Variants in PCDHGA3 observed in about 807,000 individuals in gnomAD.
The protein encoded by PCDHGA3 is protocadherin gamma-A3.
Under a neutral mutation model 58.5 loss-of-function variants are expected in PCDHGA3, and 40 were observed. The observed-to-expected ratio is 0.68, with a 90% CI of 0.53 to 0.89. The LOEUF (loss-of-function observed/expected upper bound fraction) is 0.89. Ranked by LOEUF, PCDHGA3 falls within the 40% of genes least tolerant of loss-of-function variation. The pLI, the probability that PCDHGA3 is intolerant of heterozygous loss-of-function variation, is 0.00. For synonymous variants in PCDHGA3, 530 were observed against 525.7 expected (o/e 1.01, Z -0.11); for missense variants, 1,223 against 1,195.9 (o/e 1.02, Z -0.33).
chr5:141,503,075 G>A (rs1373753092), intron 2 of PCDHGA3, among the ~76,000 whole-genome samples: 1 of 151,438 alleles, frequency 6.6e-6, no homozygotes, highest in African/African-American at 2.4e-5. Context: ...GAATGGTCTC[G>A]ATCTCCTGAC....
chr5:141,366,927 T>C (rs1442666923), intron 1 of PCDHGA3: 3 of 981,216 alleles, frequency 3.1e-6, no homozygotes, highest in Non-Finnish European at 4.3e-6. Context: ...AAATTCTGTT[T>C]TGGGAAGTCT....
At position 141,344,996 on chromosome 5, in the gene PCDHGA3, A is replaced by T. The variant is rs774542255; in HGVS notation, c.963A>T (p.Ala321=). The T allele has an allele frequency of 3.1e-6, 5 of 1,613,974 alleles. No homozygotes were observed. The highest frequency in any genetic ancestry group is 1.7e-5 in the Admixed American group (1 of 60,034). The change falls in exon 1 of 4, where the codon GCA becomes GCT. Residue 321 remains alanine, a synonymous_variant. Coordinates refer to ENST00000253812, the MANE Select transcript of PCDHGA3 (RefSeq NM_018916.4). ...TGTTCTATGAAATTAAAATTGAAGC[A>T]CAGGATGGACCAGGTCTTCTTTCAA... is the stretch of plus-strand genomic sequence containing the variant. The part of the protein sequence containing the change: ...DAMFYEIKIE[A]QDGPGLLSRA...
chr5:141,361,456 C>A (rs529112132), intron 1 of PCDHGA3: 1 of 1,613,916 alleles, frequency 6.2e-7, no homozygotes, highest in African/African-American at 1.3e-5. Context: ...TGTCACCCTG[C>A]ACATCTCCGA....
In PCDHGA3 at chr5:141,344,045, C is replaced by T; in HGVS notation, c.12C>T (p.Cys4=). 1.3e-6 allele frequency: 2 copies of T among 1,555,600 alleles called. No homozygotes were observed. The highest frequency in any genetic ancestry group is 1.7e-6 in the Non-Finnish European group (2 of 1,151,476). The change falls in exon 1 of 4, where the codon TGC becomes TGT. Residue 4 remains cysteine (C), a synonymous_variant. Transcript: ENST00000253812. The part of the protein sequence containing the change: MTN[C]LSFRNGRGLA... ...TCACCGAAAAGGAAATGACCAATTG[C>T]CTGAGTTTCCGAAATGGCAGAGGAC...
chr5:141,486,598 C>T lies in PCDHGA3; in HGVS notation c.2425-8209C>T. 2 of 1,613,604 alleles carry T rather than the reference C, an allele frequency of 1.2e-6. No homozygotes were observed. Among genetic ancestry groups the T allele is most frequent in the Non-Finnish European group, 1.7e-6 (2 of 1,179,998 alleles). ...ACAATCGCCCAGGGGACCTGCTTTG[C>T]TCCCTTGCAGCCTCTGACCCAGACT... On this transcript the variant is annotated intron_variant, in intron 1 of 3. Transcript: ENST00000253812. The surrounding 1 kb of genome is among the most constrained non-coding windows in gnomAD (Gnocchi z 5.0).
chr5:141,382,965 C>T, intron 1 of PCDHGA3: 1 of 1,608,730 alleles, frequency 6.2e-7, no homozygotes, highest in East Asian at 2.2e-5. Flanking sequence ...TCCTGGGGAC[C>T]CCCTGGGAAG....
intron 1 of PCDHGA3, 141 bp downstream of exon 1, chr5:141,346,598 C>A: frequency 7.7e-7 from 1 of 1,301,850 alleles, no homozygotes; most frequent in Non-Finnish European, 1.0e-6. Flanking sequence ...CCCTTTCTTT[C>A]TGGGCCTATA....
At chr5:141,393,203 C>A in intron 1 of PCDHGA3, 1 of 1,613,514 alleles carries the variant, frequency 6.2e-7, no homozygotes, top group South Asian at 1.1e-5. Context: ...ACGATAATAA[C>A]CCAAAATTCC....
intron 1 of PCDHGA3, chr5:141,372,404 G>A (rs761162819): frequency 2.6e-5 from 42 of 1,613,928 alleles, no homozygotes; most frequent in Non-Finnish European, 2.8e-5. Context: ...GCTTGCAAGA[G>A]ATACAACCTG....
chr5:141,399,720 C>A, intron 1 of PCDHGA3: 1 of 1,613,306 alleles, frequency 6.2e-7, no homozygotes, highest in Non-Finnish European at 8.5e-7. Context: ...TACAGGCCCG[C>A]GACCAGGGCT....
intron 1 of PCDHGA3, chr5:141,479,417 T>A (rs2099495481): frequency 6.6e-6 from 1 of 152,210 alleles, no homozygotes; most frequent in Non-Finnish European, 1.5e-5. Context: ...ACTATGCTGA[T>A]CAATTGATCA....
chr5:141,353,381 T>C (rs1759264940), intron 1 of PCDHGA3, among the ~76,000 whole-genome samples: 1 of 152,234 alleles, frequency 6.6e-6, no homozygotes, highest in Non-Finnish European at 1.5e-5. Context: ...TATGTATTAA[T>C]GTAATTATGT....
At position 141,490,852 on chromosome 5, in the gene PCDHGA3, G is replaced by A. The variant is rs759198428; in HGVS notation, c.2425-3955G>A. 2 of 1,613,896 alleles carry A rather than the reference G, an allele frequency of 1.2e-6. No individual in the cohort carries two copies. Among genetic ancestry groups the A allele is most frequent in the Non-Finnish European group, 1.7e-6 (2 of 1,179,928 alleles). ...GCTGCAGATTGTGGTGGGGGTTCGA[G>A]ACTCCGGCTCTCCCCCATTGCATGC... On this transcript the variant is annotated intron_variant, in intron 1 of 3. Transcript: ENST00000253812. The surrounding 1 kb of genome is among the most constrained non-coding windows in gnomAD (Gnocchi z 5.4).
At chr5:141,430,729 G>T in intron 1 of PCDHGA3, 1 of 1,499,360 alleles carries the variant, frequency 6.7e-7, no homozygotes, top group East Asian at 2.3e-5. Flanking sequence ...GTTAAGGGCA[G>T]AATTGAAAAT....
rs375310818 is a variant in PCDHGA3 at position 141,376,558 on chromosome 5, C to A, written c.2424+30101C>A. On this transcript the variant is annotated intron_variant, in intron 1 of 3. Transcript: ENST00000253812. Reference sequence around the variant, plus strand: ...AAGAGTAATCTGATCTTCCCGCAACCCAACTAATCAGACAGGCTCATCAGC... The same window carrying A: ...AAGAGTAATCTGATCTTCCCGCAACACAACTAATCAGACAGGCTCATCAGC... The A allele has an allele frequency of 6.2e-6, 10 of 1,609,858 alleles. No individual in the cohort carries two copies. In the African/African-American group the frequency reaches 1.3e-4, roughly 22 times the overall value.
intron 2 of PCDHGA3, among the ~76,000 whole-genome samples, chr5:141,500,775 T>C (rs1251282826): frequency 6.6e-6 from 1 of 152,218 alleles, no homozygotes; most frequent in Non-Finnish European, 1.5e-5. Context: ...CTTATGAATA[T>C]ACATATTATT....
intron 1 of PCDHGA3, chr5:141,356,443 G>T: frequency 6.2e-7 from 1 of 1,612,380 alleles, no homozygotes; most frequent in African/African-American, 1.3e-5. Context: ...CAGGGAAGAA[G>T]TCTCAGAATA....
rs1468210173 is a variant in PCDHGA3 at position 141,512,170 on chromosome 5, A to T, written c.*997A>T. 1 of 152,720 alleles carries T rather than the reference A, an allele frequency of 6.5e-6. No homozygotes were observed. The highest frequency in any genetic ancestry group is 1.5e-5 in the Non-Finnish European group (1 of 68,120). The allele number at this position is 152,720 out of a possible 1,614,324, so 9.5% of individuals were successfully genotyped here. On this transcript the variant is annotated 3_prime_UTR_variant, in exon 4 of 4. Coordinates refer to ENST00000253812, the MANE Select transcript of PCDHGA3 (RefSeq NM_018916.4). ...TGGGCTGAGCTAACAGGACCAATGG[A>T]TTAAACTGGCATTTCAGTCCAAGGA...
chr5:141,403,762 T>G (rs1217388200), intron 1 of PCDHGA3: 1 of 1,613,854 alleles, frequency 6.2e-7, no homozygotes, highest in Non-Finnish European at 8.5e-7. Flanking sequence ...GCGACCTGGA[T>G]GAGGGAATCA....
Sources: allele counts gnomAD v4.1 joint callset (sites outside exome capture counted in the v4.1 genomes callset), GRCh38; gene constraint gnomAD v4.1.1; non-coding constraint Gnocchi (gnomAD v3.1); transcripts MANE v1.5; gene names NCBI Gene and HGNC (gene_info 2026-07-23, HGNC 2026-07-21).